The following TENM4 variants were observed in gnomAD, a reference collection of about 807,000 sequenced individuals.
TENM4 encodes teneurin transmembrane protein 4, also known as teneurin-4.
TENM4 carries 82 observed loss-of-function variants against 243.3 expected under a neutral mutation model. That is an observed-to-expected ratio of 0.34 (90% CI 0.28 to 0.40). The LOEUF (loss-of-function observed/expected upper bound fraction) is 0.40. Among genes scored for constraint, TENM4 ranks in the 10% least tolerant of loss-of-function variants. The probability of loss-of-function intolerance (pLI) is 1.00; values close to 1 mark genes in which losing one functional copy is unlikely to be tolerated. For synonymous variants in TENM4, 1,412 were observed against 1,456.3 expected (o/e 0.97, Z 0.69); for missense variants, 3,138 against 3,673.3 (o/e 0.85, Z 3.77).
At chr11:78,727,243 T>TG (rs1250198359) in intron 22 of TENM4, among the ~76,000 whole-genome samples, 2 of 152,168 alleles carry the variant, frequency 1.3e-5, no homozygotes, top group Non-Finnish European at 2.9e-5. Context: ...GGTCAGGAGA[T>TG]GGAGACCATC....
intron 6 of TENM4, among the ~76,000 whole-genome samples, chr11:79,002,350 T>A (rs561815983): frequency 6.6e-6 from 1 of 152,328 alleles, no homozygotes; most frequent in African/African-American, 2.4e-5. Context: ...CATGTGCAAG[T>A]GAAATGGATC....
chr11:79,375,763 G>C (rs1356233415), intron 1 of TENM4, among the ~76,000 whole-genome samples: 1 of 152,152 alleles, frequency 6.6e-6, no homozygotes, highest in East Asian at 1.9e-4. Context: ...CCTTTAAGAG[G>C]AGACCTGAAG....
chr11:79,023,719 C>A (rs995951653), intron 6 of TENM4, among the ~76,000 whole-genome samples: 2 of 152,096 alleles, frequency 1.3e-5, no homozygotes, highest in Non-Finnish European at 2.9e-5. Context: ...TAAAGAGAAG[C>A]GTGTGCTCTA....
At chr11:78,760,010 G>C (rs140870195) in intron 18 of TENM4, among the ~76,000 whole-genome samples, 1 of 152,136 alleles carries the variant, frequency 6.6e-6, no homozygotes, top group African/African-American at 2.4e-5. Context: ...CAGCCTCTTG[G>C]ACAACTTCCA....
At chr11:79,080,471 C>T (rs1288263333) in intron 4 of TENM4, among the ~76,000 whole-genome samples, 1 of 152,196 alleles carries the variant, frequency 6.6e-6, no homozygotes, top group Admixed American at 6.5e-5. Context: ...TCTGAAAAGC[C>T]GAGCAGGGGT....
chr11:78,735,884 C>T (rs1855778510), intron 20 of TENM4, among the ~76,000 whole-genome samples: 1 of 139,550 alleles, frequency 7.2e-6, no homozygotes, highest in African/African-American at 2.5e-5. Context: ...CTTCCTTTCC[C>T]CCTTTCTCCC....
intron 6 of TENM4, among the ~76,000 whole-genome samples, chr11:78,915,498 G>A (rs1348778855): frequency 6.6e-6 from 1 of 152,184 alleles, no homozygotes; most frequent in Non-Finnish European, 1.5e-5. Flanking sequence ...ATTCTCGAGG[G>A]GCCTGGGGTG....
At chr11:78,947,023 G>A (rs1857013929) in intron 6 of TENM4, among the ~76,000 whole-genome samples, 1 of 152,180 alleles carries the variant, frequency 6.6e-6, no homozygotes, top group Non-Finnish European at 1.5e-5. Context: ...AGTTGATAAG[G>A]CAGAAGCAGG....
intron 2 of TENM4, among the ~76,000 whole-genome samples, chr11:79,238,026 T>C (rs1170924034): frequency 6.6e-6 from 1 of 152,210 alleles, no homozygotes; most frequent in Non-Finnish European, 1.5e-5. Context: ...TCATCACATC[T>C]TGCATTTCTC....
At chr11:78,955,572 A>G (rs924281999) in intron 6 of TENM4, among the ~76,000 whole-genome samples, 1 of 152,136 alleles carries the variant, frequency 6.6e-6, no homozygotes, top group Non-Finnish European at 1.5e-5. Context: ...CCATACATGG[A>G]AAAGTGTTAT....
At chr11:79,327,211 A>T (rs1027279646) in intron 1 of TENM4, among the ~76,000 whole-genome samples, 37 of 152,334 alleles carry the variant, frequency 2.4e-4, no homozygotes, top group Middle Eastern at 3.4e-3. Flanking sequence ...ATAGAAATAG[A>T]TAATTTTAAT....
At chr11:79,051,234 T>TA (rs1186062887) in intron 6 of TENM4, among the ~76,000 whole-genome samples, 2 of 152,188 alleles carry the variant, frequency 1.3e-5, no homozygotes, top group Non-Finnish European at 2.9e-5. Context: ...ATTTAATCCT[T>TA]ACAACCACAC....
intron 6 of TENM4, among the ~76,000 whole-genome samples, chr11:78,915,303 G>GGCTCA (rs1856289721): frequency 6.6e-6 from 1 of 152,284 alleles, no homozygotes; most frequent in Admixed American, 6.5e-5. Flanking sequence ...TAGCCTCCAT[G>GGCTCA]GCTCACTCTG....
At chr11:78,978,384 A>AGAAAG (rs1857715265) in intron 6 of TENM4, among the ~76,000 whole-genome samples, 1 of 152,010 alleles carries the variant, frequency 6.6e-6, no homozygotes, top group Admixed American at 6.6e-5. Flanking sequence ...AGAAAAGAAA[A>AGAAAG]GAAAAGAAAA....
chr11:79,167,820 G>C (rs1320217335), intron 3 of TENM4, among the ~76,000 whole-genome samples: 1 of 152,172 alleles, frequency 6.6e-6, no homozygotes, highest in Non-Finnish European at 1.5e-5. Flanking sequence ...TCTAAACCAG[G>C]CTCCTTCTGT....
chr11:78,792,998 G>A (rs1035844855), intron 15 of TENM4, among the ~76,000 whole-genome samples: 1 of 152,130 alleles, frequency 6.6e-6, no homozygotes, highest in Non-Finnish European at 1.5e-5. Flanking sequence ...TTTGGCTCTT[G>A]GTTAATTATG....
chr11:79,384,937 TTAAAATAAAA>T (rs58915516), intron 1 of TENM4, among the ~76,000 whole-genome samples: 17 of 114,408 alleles, frequency 1.5e-4, no homozygotes, highest in South Asian at 1.2e-3. Flanking sequence ...AAAAATAAAA[TTAAAATAAAA>T]TAAAATAAAA....
At chr11:79,351,990 A>C (rs543759101) in intron 1 of TENM4, among the ~76,000 whole-genome samples, 25 of 152,334 alleles carry the variant, frequency 1.6e-4, no homozygotes, top group African/African-American at 5.3e-4. Context: ...AATCCAAACT[A>C]AACATCAGTT....
chr11:79,127,335 T>C (rs997495492), intron 4 of TENM4, among the ~76,000 whole-genome samples: 1 of 152,024 alleles, frequency 6.6e-6, no homozygotes, highest in African/African-American at 2.4e-5. Context: ...CCTGTTCAAC[T>C]CTCTCATTTG....
Sources: gnomAD v4.1 joint callset for allele counts (sites outside exome capture counted in the v4.1 genomes callset) on GRCh38, gnomAD v4.1.1 for gene constraint, MANE v1.5 for transcripts, NCBI Gene and HGNC (gene_info 2026-07-23, HGNC 2026-07-21) for gene names.